VAV2: variants seen among roughly 807,000 people sequenced by gnomAD.
The protein encoded by VAV2 is vav guanine nucleotide exchange factor 2.
A neutral mutation model predicts 132.5 loss-of-function variants in VAV2; 67 were observed. The ratio of observed to expected loss-of-function variants is 0.51; its 90% CI spans 0.42 to 0.62. The LOEUF (loss-of-function observed/expected upper bound fraction) is 0.62. VAV2 is among the 20% of genes least tolerant of loss of function. The pLI, the probability that VAV2 is intolerant of heterozygous loss-of-function variation, is 0.00. For synonymous variants in VAV2, 492 were observed against 443.5 expected (o/e 1.11, Z -1.37); for missense variants, 938 against 1,153.6 (o/e 0.81, Z 2.71).
Position 133,776,033 on chromosome 9 carries a change from G to T in VAV2, c.2013C>A (p.Tyr671Ter). The T allele has an allele frequency of 1.9e-6, 3 of 1,612,774 alleles. No homozygotes were observed. The highest frequency in any genetic ancestry group is 1.7e-6 in the Non-Finnish European group (2 of 1,179,500). ...PPSREIDYTAYPWFAGNMERQ... is the reference protein window; with the variant it reads ...PPSREIDYTA ...GCAGCCCACGATCCACTCACCAGGG[G>T]TATGCAGTGTAGTCGATCTCCCGGG... Residue 671 changes from tyrosine to a stop codon, truncating the protein, a stop_gained, in exon 24 of 30, where the codon TAC becomes TAA. Transcript: ENST00000371850. LOFTEE classifies it high-confidence loss of function.
At chr9:133,801,795 T>C (rs1005876) in intron 9 of VAV2, among the ~76,000 whole-genome samples, 64,410 of 151,966 alleles carry the variant, frequency 0.42, 15,343 homozygotes, top group African/African-American at 0.66. Flanking sequence ...CATGTGGAGA[T>C]GGGGACAGAG....
At chr9:133,850,641 G>C (rs1837130305) in intron 3 of VAV2, among the ~76,000 whole-genome samples, 1 of 152,186 alleles carries the variant, frequency 6.6e-6, no homozygotes, top group Non-Finnish European at 1.5e-5. Context: ...AATGTGCCAG[G>C]CTCTAGGAGC....
intron 1 of VAV2, among the ~76,000 whole-genome samples, chr9:133,959,838 C>G (rs942561298): frequency 1.3e-5 from 2 of 152,160 alleles, no homozygotes; most frequent in Non-Finnish European, 2.9e-5. Context: ...GGCCCAGAGC[C>G]GCAGGAGGTG....
At chr9:133,812,564 CA>C (rs1835401283) in intron 4 of VAV2, among the ~76,000 whole-genome samples, 1 of 152,100 alleles carries the variant, frequency 6.6e-6, no homozygotes, top group Non-Finnish European at 1.5e-5. Flanking sequence ...AGAATCTTCC[CA>C]CCCCTACCTG....
intron 2 of VAV2, among the ~76,000 whole-genome samples, chr9:133,930,205 C>T (rs1007549851): frequency 8.5e-5 from 13 of 152,232 alleles, no homozygotes; most frequent in Non-Finnish European, 2.9e-5. Context: ...CACCGGCCTC[C>T]ACTCTGCCTC....
At position 133,834,001 on chromosome 9, in the gene VAV2, G is replaced by A. The variant is rs527722678; in HGVS notation, c.449+271C>T. Among the ~76,000 whole-genome samples the A allele has an allele frequency of 8.5e-5, 13 of 152,278 alleles. 1 individual carries two copies. The East Asian group carries it at 1.4e-3, about 16-fold the overall frequency. ...CTGCTAGGGCAATGGGCCAACACCC[G>A]GGCCAGCCATTAGACTGGCTGGGCA... On this transcript the variant is annotated intron_variant, in intron 4 of 29. Coordinates refer to ENST00000371850, the MANE Select transcript of VAV2 (RefSeq NM_001134398.2). This position sits in a 1 kb window ranked among gnomAD's most constrained non-coding sequence, Gnocchi z 5.9.
intron 22 of VAV2, among the ~76,000 whole-genome samples, chr9:133,778,381 A>T (rs1255381949): frequency 1.3e-5 from 2 of 150,428 alleles, no homozygotes; most frequent in East Asian, 2.0e-4. Flanking sequence ...GGTGGGGAGG[A>T]GGGTGGGCAT....
intron 2 of VAV2, among the ~76,000 whole-genome samples, chr9:133,933,062 C>A (rs2132113110): frequency 6.6e-6 from 1 of 152,392 alleles, no homozygotes; most frequent in Non-Finnish European, 1.5e-5. Context: ...GCAGGGAAAA[C>A]ACTGGTCAAA....
At chr9:133,882,650 C>T (rs954815184) in intron 2 of VAV2, among the ~76,000 whole-genome samples, 1 of 152,144 alleles carries the variant, frequency 6.6e-6, no homozygotes, top group African/African-American at 2.4e-5. Context: ...TTCTGGCCTC[C>T]AGGAGAGGGC....
chr9:133,878,908 C>T lies in VAV2; in HGVS notation c.322-17476G>A, dbSNP rs573123316. Reference sequence around the variant, plus strand: ...TTTGCACATATGCCAGGCTCCTCCGCAGGGGCAGAAACCTTTTCCCCAGGG... The same window carrying T: ...TTTGCACATATGCCAGGCTCCTCCGTAGGGGCAGAAACCTTTTCCCCAGGG... On this transcript the variant is annotated intron_variant, in intron 2 of 29. Transcript: ENST00000371850. 1.1e-4 allele frequency among the ~76,000 whole-genome samples: 17 copies of T among 152,354 alleles called. No homozygotes were observed. The South Asian group carries it at 3.5e-3, about 32-fold the overall frequency.
chr9:133,780,403 G>A (rs1833966356), intron 20 of VAV2, among the ~76,000 whole-genome samples: 2 of 152,206 alleles, frequency 1.3e-5, no homozygotes, highest in South Asian at 4.1e-4. Context: ...GGGGGACTCG[G>A]GGGCAGGAGG....
chr9:133,955,400 A>G (rs905105983), intron 1 of VAV2, among the ~76,000 whole-genome samples: 1 of 23,840 alleles, frequency 4.2e-5, no homozygotes, highest in African/African-American at 1.7e-4. Flanking sequence ...GCTCCTCCCC[A>G]CTCCCCACAC....
intron 2 of VAV2, among the ~76,000 whole-genome samples, chr9:133,896,951 C>G (rs573124250): frequency 3.2e-4 from 48 of 151,878 alleles, no homozygotes; most frequent in Middle Eastern, 3.4e-3. Flanking sequence ...AAAATTAGCC[C>G]GGCGTGGTGG....
chr9:133,992,241 T>A lies in VAV2; in HGVS notation c.38A>T (p.Asp13Val). 1 of 1,584,152 alleles carries A rather than the reference T, an allele frequency of 6.3e-7. No individual in the cohort carries two copies. The change falls in exon 1 of 30, where the codon GAT becomes GTT. Residue 13 changes from aspartate (D) to valine (V), a missense_variant. By Grantham distance (152) the Asp-to-Val change is radical. Coordinates refer to ENST00000371850, the MANE Select transcript of VAV2 (RefSeq NM_001134398.2). This position sits in a 1 kb window ranked among gnomAD's most constrained non-coding sequence, Gnocchi z 5.5. ...QWRQCGRWLIDCKVLPPNHRV... is the reference protein window; with the variant it reads ...QWRQCGRWLIVCKVLPPNHRV... ...GTGGTTGGGCGGCAGGACCTTGCAA[T>A]CGATGAGCCAGCGGCCGCACTGCCG...
At position 133,939,152 on chromosome 9, in the gene VAV2, CT is replaced by C. The variant is rs1841037840; in HGVS notation, c.271del (p.Ser91AlafsTer94). Reference protein sequence around the residue: ...VCHDKFGLRNSELFDPFDLFD... With the variant: ...VCHDKFGLRNXELFDPFDLFD... The stretch of plus-strand genomic sequence containing the variant: ...GAGGTCAAAGGGGTCAAACAGCTCG[CT>C]GTTCCTTAATCCAAATTTATCGTGG... On this transcript the variant is annotated frameshift_variant, in exon 2 of 30. Coordinates refer to ENST00000371850, the MANE Select transcript of VAV2 (RefSeq NM_001134398.2). LOFTEE classifies it high-confidence loss of function. 6.2e-7 allele frequency: 1 copy of C among 1,614,150 alleles called. No individual in the cohort carries two copies. The highest frequency in any genetic ancestry group is 1.3e-5 in the African/African-American group (1 of 74,944).
At chr9:133,876,706 C>T (rs1838281195) in intron 2 of VAV2, among the ~76,000 whole-genome samples, 1 of 152,188 alleles carries the variant, frequency 6.6e-6, no homozygotes, top group Admixed American at 6.5e-5. Flanking sequence ...GTCTTCTAAC[C>T]AGGCCAGGTG....
chr9:133,773,302 T>G (rs1429078366), intron 25 of VAV2, among the ~76,000 whole-genome samples: 11 of 129,052 alleles, frequency 8.5e-5, no homozygotes, highest in Admixed American at 8.3e-4. Context: ...AAAAACACAG[T>G]AGAAAAGATA....
Position 133,788,235 on chromosome 9 carries a change from C to CCCCCCGGCCCCCAA in VAV2, c.1407+118_1407+119insTTGGGGGCCGGGGG. Reference sequence around the variant, plus strand: ...CAGAGCGGAGACGCCCACCCCAACCCACCCGGCCAGCATCAGCGGCTGACT... The same window carrying CCCCCCGGCCCCCAA: ...CAGAGCGGAGACGCCCACCCCAACCCCCCCCGGCCCCCAAACCCGGCCAGCATCAGCGGCTGACT... On this transcript the variant is annotated intron_variant, in intron 15 of 29. Transcript: ENST00000371850. The surrounding 1 kb of genome is among the most constrained non-coding windows in gnomAD (Gnocchi z 5.3). The CCCCCCGGCCCCCAA allele has an allele frequency of 1.0e-6, 1 of 998,872 alleles. No individual in the cohort carries two copies. Among genetic ancestry groups the CCCCCCGGCCCCCAA allele is most frequent in the Non-Finnish European group, 1.5e-6 (1 of 680,472 alleles). The allele number at this position is 998,872 out of a possible 1,614,324, so 61.9% of individuals were successfully genotyped here. A position where few individuals can be genotyped will look rare whatever the true frequency, so the allele number is the denominator to read the frequency against.
chr9:133,803,851 C>A (rs558397366), intron 9 of VAV2, among the ~76,000 whole-genome samples: 1 of 152,258 alleles, frequency 6.6e-6, no homozygotes, highest in African/African-American at 2.4e-5. Context: ...CCAGCCCTTC[C>A]CTGGAGAACC....
Sources: gnomAD v4.1 joint callset for allele counts (sites outside exome capture counted in the v4.1 genomes callset) on GRCh38, gnomAD v4.1.1 for gene constraint, Gnocchi (gnomAD v3.1) non-coding constraint, MANE v1.5 for transcripts, NCBI Gene and HGNC (gene_info 2026-07-23, HGNC 2026-07-21) for gene names.